Variants in USP37 observed in about 807,000 individuals in gnomAD.
USP37 encodes ubiquitin specific peptidase 37, also known as ubiquitin carboxyl-terminal hydrolase 37.
Under a neutral mutation model 124.0 loss-of-function variants are expected in USP37, and 27 were observed. That is an observed-to-expected ratio of 0.22 (90% CI 0.16 to 0.30). The LOEUF (loss-of-function observed/expected upper bound fraction) is 0.30, where lower values mean the gene tolerates loss of function less well. Ranked by LOEUF, USP37 falls within the 10% of genes least tolerant of loss-of-function variation. The pLI, the probability that USP37 is intolerant of heterozygous loss-of-function variation, is 1.00. For missense variants in USP37, 889 were observed against 1,140.4 expected, an observed-to-expected ratio of 0.78 and a Z score of 3.17; for synonymous variants, 365 against 388.0, an observed-to-expected ratio of 0.94 and a Z score of 0.70.
rs1163366372 is a variant in USP37 at position 218,544,386 on chromosome 2, C to CAA, written c.680+1833_680+1834dup. 3.9e-3 allele frequency among the ~76,000 whole-genome samples: 101 copies of CAA among 25,748 alleles called. 3 individuals are homozygous for CAA. Among genetic ancestry groups the CAA allele is most frequent in the African/African-American group, 8.3e-3 (22 of 2,652 alleles). 16.9% of individuals were successfully genotyped at this position (25,748 alleles called of 152,430 possible). On this transcript the variant is annotated intron_variant, in intron 8 of 25. Coordinates refer to ENST00000258399, the MANE Select transcript of USP37 (RefSeq NM_020935.3). ...GGTGACAGAACAAGACTCCGTTTCA[C>CAA]AAAAAAAAAAAAAAAAAAAAATATA...
chr2:218,521,673 T>C (rs1690629050), intron 10 of USP37, among the ~76,000 whole-genome samples: 1 of 152,188 alleles, frequency 6.6e-6, no homozygotes, highest in Non-Finnish European at 1.5e-5. Context: ...CATGAACTCA[T>C]TCTTTTTTAT....
rs1349350636 is a variant in USP37, at chr2:218,497,867, C to CA, written c.1158-11dup. The CA allele has an allele frequency of 1.9e-6, 3 of 1,608,186 alleles. No individual in the cohort carries two copies. Among genetic ancestry groups the CA allele is most frequent in the Non-Finnish European group, 2.5e-6 (3 of 1,178,300 alleles). On this transcript the variant is annotated splice_polypyrimidine_tract_variant and intron_variant, in intron 12 of 25. Coordinates refer to ENST00000258399, the MANE Select transcript of USP37 (RefSeq NM_020935.3). ...CAAGTGTGCAAAGCGTCTAGTAAAA[C>CA]AAAAAACACAAAGTTAGCACGTTTT...
At chr2:218,556,596 C>A (rs1183512154) in intron 4 of USP37, among the ~76,000 whole-genome samples, 1 of 143,730 alleles carries the variant, frequency 7.0e-6, no homozygotes, top group Non-Finnish European at 1.5e-5. Flanking sequence ...TCACTGCAAC[C>A]TCTGCCTCCC....
At chr2:218,495,147 C>T (rs1049843366) in intron 14 of USP37, among the ~76,000 whole-genome samples, 7 of 151,996 alleles carry the variant, frequency 4.6e-5, no homozygotes, top group African/African-American at 1.4e-4. Context: ...GTTTTTGTTT[C>T]GTTTTGTTTT....
In USP37 at chr2:218,476,950, C is replaced by T. The variant is rs748013869; in HGVS notation, c.1933G>A (p.Ala645Thr). ...KFTFKSKSSL[A>T]LCLDSDSEDE... ...TCACTGTCTGAATCAAGGCATAAAG[C>T]CAAGGAGCTCTTGGATTTGAAGGTG... Residue 645 changes from alanine to threonine, a missense_variant, in exon 19 of 26, where the codon GCT (alanine) becomes ACT (threonine). Coordinates refer to ENST00000258399, the MANE Select transcript of USP37 (RefSeq NM_020935.3). 9 of 1,549,560 alleles carry T rather than the reference C, an allele frequency of 5.8e-6. No homozygotes were observed. In the Admixed American group the frequency reaches 1.8e-4, roughly 31 times the overall value.
At chr2:218,490,519 C>T (rs543776488) in intron 14 of USP37, among the ~76,000 whole-genome samples, 4 of 152,200 alleles carry the variant, frequency 2.6e-5, no homozygotes, top group East Asian at 3.9e-4. Flanking sequence ...TTTAGCTGAC[C>T]GTTTTTCATT....
rs191948667 is a variant in USP37, at chr2:218,486,473, G to C, written c.1591-730C>G. ...CTCTGTCACCCAGGCAACTGGGTGG[G>C]AGGGAGGGGCGTGATCTCAGCTCAC... On this transcript the variant is annotated intron_variant, in intron 15 of 25. Transcript: ENST00000258399. 3 of 152,324 alleles carry C rather than the reference G, an allele frequency of 2.0e-5. No individual in the cohort carries two copies. The East Asian group carries it at 5.8e-4, about 29-fold the overall frequency. The allele number at this position is 152,324 out of a possible 1,614,324, so 9.4% of individuals were successfully genotyped here.
chr2:218,546,199 A>G (rs1415826076), intron 8 of USP37, 22 bp downstream of exon 8: 2 of 1,589,262 alleles, frequency 1.3e-6, no homozygotes, highest in Admixed American at 3.4e-5. Flanking sequence ...CTAACACTAT[A>G]AAGGCCCTTA....
intron 20 of USP37, among the ~76,000 whole-genome samples, chr2:218,472,263 A>T (rs1370498397): frequency 1.3e-5 from 2 of 152,072 alleles, no homozygotes; most frequent in African/African-American, 2.4e-5. Flanking sequence ...TATTGCACTC[A>T]CATAGCCTTC....
intron 20 of USP37, among the ~76,000 whole-genome samples, chr2:218,470,527 A>G (rs542967297): frequency 1.3e-5 from 2 of 152,214 alleles, no homozygotes; most frequent in Non-Finnish European, 1.5e-5. Flanking sequence ...TAACTTCCTA[A>G]TGCCTTTGAA....
At chr2:218,479,822 T>A in intron 17 of USP37, 107 bp from the exon 18 acceptor site, 1 of 617,344 alleles carries the variant, frequency 1.6e-6, no homozygotes, top group Non-Finnish European at 2.2e-6. Context: ...TATGTCCTCT[T>A]GAAAATTGAA....
intron 4 of USP37, among the ~76,000 whole-genome samples, chr2:218,557,365 C>G (rs1693048156): frequency 6.6e-6 from 1 of 151,946 alleles, no homozygotes; most frequent in Non-Finnish European, 1.5e-5. Flanking sequence ...AAAAAATGAG[C>G]CTGTATTTGC....
intron 17 of USP37, among the ~76,000 whole-genome samples, chr2:218,480,038 C>A (rs1691168832): frequency 6.6e-6 from 1 of 151,402 alleles, no homozygotes; most frequent in South Asian, 2.1e-4. Context: ...CCCAGCTACT[C>A]GGGAGGCTGA....
At chr2:218,467,583 G>A (rs545795019) in intron 20 of USP37, among the ~76,000 whole-genome samples, 2 of 152,000 alleles carry the variant, frequency 1.3e-5, no homozygotes, top group South Asian at 2.1e-4. Context: ...TCCCGACCTT[G>A]TGATCCGCCC....
At chr2:218,522,256 C>T (rs1465117989) in intron 10 of USP37, among the ~76,000 whole-genome samples, 2 of 151,980 alleles carry the variant, frequency 1.3e-5, no homozygotes, top group East Asian at 1.9e-4. Context: ...TTCTTATAAG[C>T]TTACTTATAA....
In USP37 at chr2:218,455,586, A is replaced by G. The variant is rs1233157984; in HGVS notation, c.2846T>C (p.Met949Thr). 1 of 1,609,986 alleles carries G rather than the reference A, an allele frequency of 6.2e-7. No individual in the cohort carries two copies. The highest frequency in any genetic ancestry group is 8.5e-7 in the Non-Finnish European group (1 of 1,178,966). ...RDRSGYIFFYMHKEIFDELLE... is the reference protein window; with the variant it reads ...RDRSGYIFFYTHKEIFDELLE... ...ATCTGGCAAAGTTTCTTACTTGTGC[A>G]TATAAAAGAAGATGTAGCCACTCCG... The change falls in exon 25 of 26, where the codon ATG (methionine) becomes ACG (threonine). Residue 949 changes from methionine to threonine, a missense_variant. Around this residue, in one of 3 missense-constraint regions of USP37, gnomAD observed 504 missense variants for 714.3 expected, o/e 0.71. Transcript: ENST00000258399.
intron 8 of USP37, among the ~76,000 whole-genome samples, chr2:218,539,144 A>G (rs939852083): frequency 1.5e-4 from 23 of 151,776 alleles, no homozygotes; most frequent in African/African-American, 5.6e-4. Flanking sequence ...ATTTTTGTAG[A>G]GATGAGATCT....
At chr2:218,502,883 A>G (rs1689460830) in intron 11 of USP37, among the ~76,000 whole-genome samples, 1 of 152,196 alleles carries the variant, frequency 6.6e-6, no homozygotes, top group Admixed American at 6.5e-5. Flanking sequence ...AAAATTTTGA[A>G]TATGCAAGAA....
At chr2:218,495,705 T>G in intron 14 of USP37, 55 bp downstream of exon 14, 1 of 1,526,936 alleles carries the variant, frequency 6.5e-7, no homozygotes, top group Non-Finnish European at 8.8e-7. Context: ...AGAAGAATTT[T>G]AATCACTTGC....
Sources: gnomAD v4.1 joint callset for allele counts (sites outside exome capture counted in the v4.1 genomes callset) on GRCh38, gnomAD v4.1.1 for gene constraint, gnomAD v4.1.1 regional missense constraint, MANE v1.5 for transcripts, NCBI Gene and HGNC (gene_info 2026-07-23, HGNC 2026-07-21) for gene names.